Variants in GADL1 observed in about 807,000 individuals in gnomAD.
GADL1 encodes the protein acidic amino acid decarboxylase GADL1.
Under a neutral mutation model 69.5 loss-of-function variants are expected in GADL1, and 71 were observed. The ratio of observed to expected loss-of-function variants is 1.02; its 90% CI spans 0.84 to 1.25. GADL1 has a LOEUF of 1.25. Among genes scored for constraint, GADL1 ranks in the 50% most tolerant of loss-of-function variants. The pLI is 0.00. For missense variants in GADL1, 737 were observed against 631.8 expected (o/e 1.17, Z -1.79); for synonymous variants, 254 against 214.4 (o/e 1.18, Z -1.62).
At chr3:30,763,345 C>A (rs1385945443) in intron 14 of GADL1, among the ~76,000 whole-genome samples, 4 of 151,848 alleles carry the variant, frequency 2.6e-5, no homozygotes, top group African/African-American at 9.7e-5. Context: ...CTAAAAATAA[C>A]ACAAAAAATT....
At chr3:30,852,624 A>ATG (rs1698166395) in intron 4 of GADL1, among the ~76,000 whole-genome samples, 1 of 150,588 alleles carries the variant, frequency 6.6e-6, no homozygotes, top group Admixed American at 6.7e-5. Context: ...AAATATATAT[A>ATG]AAATAGTTAC....
At position 30,783,946 on chromosome 3, in the gene GADL1, C is replaced by G. The variant is rs558745919; in HGVS notation, c.1302+2409G>C. On this transcript the variant is annotated intron_variant, in intron 13 of 14. Transcript: ENST00000282538. Reference sequence around the variant, plus strand: ...CATCACTTCCAGCTCTGTCAAAAGACTGTACAGTTTCAAGGTGTATAGGAC... The same window carrying G: ...CATCACTTCCAGCTCTGTCAAAAGAGTGTACAGTTTCAAGGTGTATAGGAC... Among the ~76,000 whole-genome samples the G allele has an allele frequency of 2.0e-5, 3 of 152,274 alleles. No homozygotes were observed. In the South Asian group the frequency reaches 6.2e-4, roughly 32 times the overall value.
At chr3:30,847,816 A>G (rs1559360015) in intron 6 of GADL1, among the ~76,000 whole-genome samples, 1 of 152,156 alleles carries the variant, frequency 6.6e-6, no homozygotes, top group Non-Finnish European at 1.5e-5. Flanking sequence ...TGGTTTCACA[A>G]CTACATAAGG....
chr3:30,781,833 T>C (rs1195793527), intron 13 of GADL1, among the ~76,000 whole-genome samples: 2 of 152,186 alleles, frequency 1.3e-5, no homozygotes, highest in East Asian at 1.9e-4. Context: ...TGACTATTAT[T>C]TGGGGCCATA....
chr3:30,736,422 T>A (rs560810947), intron 14 of GADL1, among the ~76,000 whole-genome samples: 99 of 152,256 alleles, frequency 6.5e-4, no homozygotes, highest in African/African-American at 2.4e-3. Context: ...AATGAAATAA[T>A]GAGAACACAA....
chr3:30,728,370 T>A lies in GADL1; in HGVS notation c.1438A>T (p.Met480Leu). The A allele has an allele frequency of 6.2e-7, 1 of 1,613,838 alleles. No homozygotes were observed. The highest frequency in any genetic ancestry group is 8.5e-7 in the Non-Finnish European group (1 of 1,179,822). ...CCCCGGTGCGGCTGGTAGCCCAGCA[T>A]CAAGCTTCCCTTCTTCATCATCCTC... is the stretch of plus-strand genomic sequence containing the variant. ...KERMMKKGSLMLGYQPHRGKV... is the reference protein window; with the variant it reads ...KERMMKKGSLLLGYQPHRGKV... Residue 480 changes from methionine to leucine, a missense_variant, in exon 15 of 15, where the codon ATG becomes TTG. Met to Leu is a conservative substitution (Grantham distance 15). Transcript: ENST00000282538.
At chr3:30,733,646 T>G (rs1025594616) in intron 14 of GADL1, among the ~76,000 whole-genome samples, 1 of 150,194 alleles carries the variant, frequency 6.7e-6, no homozygotes, top group Non-Finnish European at 1.5e-5. Context: ...CCTCCTTCCC[T>G]CCCTCCCTCC....
chr3:30,797,881 C>A (rs1422359219), intron 12 of GADL1: 1 of 151,994 alleles, frequency 6.6e-6, no homozygotes, highest in Non-Finnish European at 1.5e-5. Flanking sequence ...TGAAAGTTAA[C>A]CTTGAACAGT....
intron 11 of GADL1, among the ~76,000 whole-genome samples, chr3:30,819,740 TTTAA>T (rs140952304): frequency 6.6e-6 from 1 of 152,116 alleles, no homozygotes; most frequent in East Asian, 1.9e-4. Context: ...TGGAAAAAAT[TTTAA>T]TTAAAAATTA....
chr3:30,823,362 C>A (rs1245781222), intron 11 of GADL1, among the ~76,000 whole-genome samples: 1 of 151,906 alleles, frequency 6.6e-6, no homozygotes, highest in African/African-American at 2.4e-5. Flanking sequence ...AAACAAAATT[C>A]AAAAGTATTC....
chr3:30,876,452 T>A (rs1698577449), intron 1 of GADL1, among the ~76,000 whole-genome samples: 1 of 152,052 alleles, frequency 6.6e-6, no homozygotes, highest in Non-Finnish European at 1.5e-5. Flanking sequence ...TCAGGGCCAA[T>A]TTTAAAACTG....
At chr3:30,849,272 T>A (rs565907749) in intron 6 of GADL1, among the ~76,000 whole-genome samples, 2 of 152,284 alleles carry the variant, frequency 1.3e-5, no homozygotes, top group South Asian at 4.1e-4. Context: ...TTGAGACTTA[T>A]AAGTGATAAT....
intron 14 of GADL1, among the ~76,000 whole-genome samples, chr3:30,762,846 TTTC>T (rs543552079): frequency 2.1e-5 from 1 of 46,748 alleles, no homozygotes; most frequent in East Asian, 4.6e-4. Flanking sequence ...GATGTTAGTC[TTTC>T]TTTTCCTTGC....
intron 6 of GADL1, among the ~76,000 whole-genome samples, chr3:30,849,577 A>G (rs1182116132): frequency 6.6e-6 from 1 of 152,018 alleles, no homozygotes; most frequent in African/African-American, 2.4e-5. Context: ...GTTACTGTAT[A>G]TCTTTCTTTT....
chr3:30,889,084 T>TATAAAAAAA (rs1698748582), intron 1 of GADL1, among the ~76,000 whole-genome samples: 7 of 32,914 alleles, frequency 2.1e-4, no homozygotes, highest in Non-Finnish European at 3.4e-4. Flanking sequence ...CGGTAATCTA[T>TATAAAAAAA]AAAAAAAAAA....
chr3:30,826,053 C>A (rs898115812), intron 11 of GADL1, among the ~76,000 whole-genome samples: 3 of 151,892 alleles, frequency 2.0e-5, no homozygotes, highest in Non-Finnish European at 4.4e-5. Flanking sequence ...GCACAGCATG[C>A]TTATTATGGC....
At chr3:30,813,697 AG>A (rs1258211477) in intron 11 of GADL1, among the ~76,000 whole-genome samples, 1 of 152,260 alleles carries the variant, frequency 6.6e-6, no homozygotes, top group African/African-American at 2.4e-5. Context: ...AATGCTATGC[AG>A]GAATGCAAGT....
At chr3:30,869,628 T>C (rs2125540299) in intron 1 of GADL1, among the ~76,000 whole-genome samples, 1 of 148,254 alleles carries the variant, frequency 6.7e-6, no homozygotes, top group South Asian at 2.2e-4. Context: ...GTATCTATTT[T>C]ATTTTATTTT....
intron 14 of GADL1, among the ~76,000 whole-genome samples, chr3:30,757,682 A>T (rs1004531916): frequency 3.9e-5 from 6 of 152,204 alleles, no homozygotes; most frequent in African/African-American, 1.4e-4. Context: ...TCATCCAAAT[A>T]GTTCTTGGGA....
Sources: gnomAD v4.1 joint callset for allele counts (sites outside exome capture counted in the v4.1 genomes callset) on GRCh38, gnomAD v4.1.1 for gene constraint, MANE v1.5 for transcripts, NCBI Gene and HGNC (gene_info 2026-07-23, HGNC 2026-07-21) for gene names.